FIGN: variants seen among roughly 807,000 people sequenced by gnomAD.
The protein encoded by FIGN is fidgetin, microtubule severing factor.
A neutral mutation model predicts 51.3 loss-of-function variants in FIGN; 11 were observed. That is an observed-to-expected ratio of 0.21 (90% CI 0.13 to 0.35). The LOEUF (loss-of-function observed/expected upper bound fraction) is 0.35. Among genes scored for constraint, FIGN ranks in the 10% least tolerant of loss-of-function variants. The pLI is 1.00. For missense variants in FIGN, 857 were observed against 943.6 expected (o/e 0.91, Z 1.20); for synonymous variants, 407 against 363.2 (o/e 1.12, Z -1.37).
chr2:163,635,459 A>G (rs1683210409), intron 2 of FIGN, among the ~76,000 whole-genome samples: 1 of 152,168 alleles, frequency 6.6e-6, no homozygotes, highest in Non-Finnish European at 1.5e-5. Context: ...AGTCTCATTT[A>G]TTCAAGAGGC....
chr2:163,666,217 A>C (rs1015827884), intron 2 of FIGN, among the ~76,000 whole-genome samples: 1 of 152,196 alleles, frequency 6.6e-6, no homozygotes, highest in African/African-American at 2.4e-5. Flanking sequence ...AGCAAACCCC[A>C]AGTCACTAGG....
Position 163,610,011 on chromosome 2 carries a change from G to C in FIGN, c.1821C>G (p.Thr607=), listed in dbSNP as rs2231906. ...EEHSPVSRMR[T]EFLMQLDTVL... is the part of the protein sequence containing the mutation. ...CAGTGTCCAGTTGCATCAGAAATTCGGTTCTCATCCGACTGACTGGACTAT... is the reference window on the plus strand; with the variant it reads ...CAGTGTCCAGTTGCATCAGAAATTCCGTTCTCATCCGACTGACTGGACTAT... Residue 607 remains threonine, a synonymous_variant, in exon 3 of 3, where the codon ACC becomes ACG. Transcript: ENST00000333129. 50 of 1,614,056 alleles carry C rather than the reference G, an allele frequency of 3.1e-5. No individual in the cohort carries two copies. The East Asian group carries it at 1.1e-3, about 35-fold the overall frequency.
intron 2 of FIGN, among the ~76,000 whole-genome samples, chr2:163,707,109 A>T (rs1186991170): frequency 6.6e-6 from 1 of 152,184 alleles, no homozygotes; most frequent in Non-Finnish European, 1.5e-5. Flanking sequence ...ATTCAGGAAG[A>T]AAACAACCAA....
intron 2 of FIGN, among the ~76,000 whole-genome samples, chr2:163,719,300 G>A (rs937544921): frequency 2.6e-5 from 4 of 152,120 alleles, no homozygotes; most frequent in South Asian, 2.1e-4. Flanking sequence ...TTTGATTTAC[G>A]TGACTGGAAT....
At chr2:163,724,336 G>T (rs1684806069) in intron 2 of FIGN, among the ~76,000 whole-genome samples, 1 of 152,070 alleles carries the variant, frequency 6.6e-6, no homozygotes, top group African/African-American at 2.4e-5. Context: ...ATTCAGTTCT[G>T]AATAGATATC....
At chr2:163,657,492 G>C (rs1269674048) in intron 2 of FIGN, among the ~76,000 whole-genome samples, 2 of 131,816 alleles carry the variant, frequency 1.5e-5, no homozygotes, top group Non-Finnish European at 3.2e-5. Flanking sequence ...CAGAATGTCA[G>C]AGGGAGTCTG....
intron 2 of FIGN, among the ~76,000 whole-genome samples, chr2:163,658,377 C>A: frequency 4.8e-5 from 1 of 20,844 alleles, no homozygotes; most frequent in Admixed American, 5.0e-4. Context: ...CTCTCTCTCT[C>A]TCTCTCTCTC....
chr2:163,609,765 A>G lies in FIGN; in HGVS notation c.2067T>C (p.Ser689=), dbSNP rs112774380. ...GACACAAATGAGCCACATCTAGTCC[A>G]GAAAAGCCTTCTGTGCGCTGGACGA... ...ALLVQRTEGF[S]GLDVAHLCQE... The change falls in exon 3 of 3, where the codon TCT becomes TCC. Residue 689 remains serine (S), a synonymous_variant. Coordinates refer to ENST00000333129, the MANE Select transcript of FIGN (RefSeq NM_018086.4). 85 of 1,614,176 alleles carry G rather than the reference A, an allele frequency of 5.3e-5. 3 individuals carry two copies. In the African/African-American group the frequency reaches 9.9e-4, roughly 19 times the overall value.
At chr2:163,629,212 C>T (rs529356795) in intron 2 of FIGN, among the ~76,000 whole-genome samples, 2 of 152,052 alleles carry the variant, frequency 1.3e-5, no homozygotes, top group Non-Finnish European at 2.9e-5. Context: ...TTACAGAGTA[C>T]AAAGAGAAAA....
At chr2:163,651,333 A>G (rs997735857) in intron 2 of FIGN, among the ~76,000 whole-genome samples, 2 of 152,088 alleles carry the variant, frequency 1.3e-5, no homozygotes, top group Non-Finnish European at 2.9e-5. Context: ...GTGGTGGCAC[A>G]CACCTGTAGT....
intron 2 of FIGN, among the ~76,000 whole-genome samples, chr2:163,653,226 A>C (rs1057098508): frequency 1.3e-5 from 2 of 151,908 alleles, no homozygotes; most frequent in African/African-American, 4.8e-5. Flanking sequence ...AATAAATATC[A>C]CCTCTTTCTA....
chr2:163,726,777 A>G (rs1295835700), intron 2 of FIGN, among the ~76,000 whole-genome samples: 1 of 152,150 alleles, frequency 6.6e-6, no homozygotes, highest in African/African-American at 2.4e-5. Flanking sequence ...TCCTAGCAGT[A>G]AAATTTATCA....
chr2:163,712,696 A>G (rs1684604850), intron 2 of FIGN, among the ~76,000 whole-genome samples: 1 of 152,210 alleles, frequency 6.6e-6, no homozygotes, highest in Non-Finnish European at 1.5e-5. Context: ...CATTTAATAA[A>G]GGCAAATAAA....
intron 2 of FIGN, among the ~76,000 whole-genome samples, chr2:163,616,109 T>C (rs1337718694): frequency 2.0e-5 from 3 of 152,162 alleles, no homozygotes; most frequent in African/African-American, 7.2e-5. Flanking sequence ...ATAGTACGGA[T>C]AACATTTGCC....
rs1217328492 is a variant in FIGN, at chr2:163,608,111, T to C, written c.*1441A>G. On this transcript the variant is annotated 3_prime_UTR_variant, in exon 3 of 3. Coordinates refer to ENST00000333129, the MANE Select transcript of FIGN (RefSeq NM_018086.4). ...GTGTGTGTGTCCACTTCCAATTTTC[T>C]ACTTTACTTTCCAAGAGAAATGTAA... 1.3e-5 allele frequency: 2 copies of C among 152,718 alleles called. No homozygotes were observed. Among genetic ancestry groups the C allele is most frequent in the East Asian group, 3.9e-4 (2 of 5,182 alleles). 9.5% of individuals were successfully genotyped at this position (152,718 alleles called of 1,614,324 possible).
At chr2:163,712,197 T>G (rs937753256) in intron 2 of FIGN, among the ~76,000 whole-genome samples, 3 of 152,200 alleles carry the variant, frequency 2.0e-5, no homozygotes, top group African/African-American at 7.2e-5. Context: ...AAGCAATAAC[T>G]GCTCACTGAA....
At chr2:163,650,795 G>A (rs772959701) in intron 2 of FIGN, among the ~76,000 whole-genome samples, 4 of 152,102 alleles carry the variant, frequency 2.6e-5, no homozygotes, top group Non-Finnish European at 5.9e-5. Flanking sequence ...GATACTACAG[G>A]GCTTTCCTGT....
rs1451690024 is a variant in FIGN, at chr2:163,668,020, C to G, written c.26-56214G>C. 2.7e-5 allele frequency among the ~76,000 whole-genome samples: 4 copies of G among 149,316 alleles called. 1 individual carries two copies. Among genetic ancestry groups the G allele is most frequent in the African/African-American group, 5.0e-5 (2 of 39,742 alleles). ...GAGAACACCCCTACCTCCAACCCCC[C>G]CCCCCAAAAAACCCTCCACAAGTAA... On this transcript the variant is annotated intron_variant, in intron 2 of 2. Coordinates refer to ENST00000333129, the MANE Select transcript of FIGN (RefSeq NM_018086.4).
chr2:163,626,858 C>T (rs568053308), intron 2 of FIGN, among the ~76,000 whole-genome samples: 2 of 152,212 alleles, frequency 1.3e-5, no homozygotes, highest in East Asian at 1.9e-4. Flanking sequence ...GACCTCTGGT[C>T]GTCCTCACTG....
Sources: allele counts gnomAD v4.1 joint callset (sites outside exome capture counted in the v4.1 genomes callset), GRCh38; gene constraint gnomAD v4.1.1; transcripts MANE v1.5; gene names NCBI Gene and HGNC (gene_info 2026-07-23, HGNC 2026-07-21).